The following DYNC1LI1 variants were observed in gnomAD, a reference collection of about 807,000 sequenced individuals.
DYNC1LI1 encodes the protein cytoplasmic dynein 1 light intermediate chain 1.
Under a neutral mutation model 63.8 loss-of-function variants are expected in DYNC1LI1, and 19 were observed. The ratio of observed to expected loss-of-function variants is 0.30; its 90% CI spans 0.21 to 0.44. The LOEUF is 0.44. Ranked by LOEUF, DYNC1LI1 falls within the 20% of genes least tolerant of loss-of-function variation. The pLI is 1.00. For synonymous variants in DYNC1LI1, 225 were observed against 232.3 expected, an observed-to-expected ratio of 0.97 and a Z score of 0.28; for missense variants, 565 against 630.2, an observed-to-expected ratio of 0.90 and a Z score of 1.11.
intron 6 of DYNC1LI1, 118 bp downstream of exon 6, chr3:32,536,893 G>A (rs529391252): frequency 3.5e-5 from 20 of 576,260 alleles, no homozygotes; most frequent in Admixed American, 3.3e-4. Context: ...TCCAACCAGA[G>A]ACAGAAGGAG....
intron 2 of DYNC1LI1, among the ~76,000 whole-genome samples, chr3:32,557,547 A>C (rs1297218026): frequency 6.6e-6 from 1 of 151,942 alleles, no homozygotes; most frequent in Non-Finnish European, 1.5e-5. Flanking sequence ...AATAAAAATA[A>C]AATAAAAAAA....
intron 2 of DYNC1LI1, among the ~76,000 whole-genome samples, chr3:32,555,170 T>C (rs904216991): frequency 3.9e-5 from 6 of 152,202 alleles, no homozygotes; most frequent in African/African-American, 1.4e-4. Context: ...CATCAGACCC[T>C]GGTAATTGAA....
At chr3:32,568,097 A>G (rs1331563214) in intron 2 of DYNC1LI1, among the ~76,000 whole-genome samples, 1 of 152,096 alleles carries the variant, frequency 6.6e-6, no homozygotes, top group Non-Finnish European at 1.5e-5. Context: ...CGGCCTCCCA[A>G]AATGCTGGGA....
intron 2 of DYNC1LI1, among the ~76,000 whole-genome samples, chr3:32,551,360 A>G (rs6550135): frequency 0.31 from 47,698 of 152,056 alleles, 7,680 homozygotes; most frequent in African/African-American, 0.38. Context: ...GCAAAGAAGC[A>G]TCCTTCTAGG....
In DYNC1LI1 at chr3:32,547,270, G is replaced by C. The variant is rs1442416460; in HGVS notation, c.221-1305C>G. The stretch of plus-strand genomic sequence containing the variant: ...AACAAAACAAAACAAAACTAGGCTA[G>C]CTGTTCAATGTTTTGGTGAGGGCTT... On this transcript the variant is annotated intron_variant, in intron 2 of 12. Coordinates refer to ENST00000273130, the MANE Select transcript of DYNC1LI1 (RefSeq NM_016141.4). Among the ~76,000 whole-genome samples, 3 of 152,176 alleles carry C rather than the reference G, an allele frequency of 2.0e-5. No individual in the cohort carries two copies. In the East Asian group the frequency reaches 5.8e-4, roughly 29 times the overall value.
chr3:32,532,934 C>T lies in DYNC1LI1; in HGVS notation c.1080+52G>A, dbSNP rs1391061011. Reference sequence around the variant, plus strand: ...ATTTAATTTTAAAGTATGGAATTCCCCTCAGGTTAGTCTAAAGTCTAAATA... The same window carrying T: ...ATTTAATTTTAAAGTATGGAATTCCTCTCAGGTTAGTCTAAAGTCTAAATA... On this transcript the variant is annotated intron_variant, in intron 8 of 12. Transcript: ENST00000273130. 3.3e-6 allele frequency: 5 copies of T among 1,496,806 alleles called. No individual in the cohort carries two copies. In the Admixed American group the frequency reaches 1.3e-4, roughly 40 times the overall value. 92.7% of individuals were successfully genotyped at this position (1,496,806 alleles called of 1,614,324 possible). A position where few individuals can be genotyped will look rare whatever the true frequency, so the allele number is the denominator to read the frequency against.
Position 32,526,827 on chromosome 3 carries a change from G to A in DYNC1LI1, c.1544C>T (p.Thr515Ile). The change falls in exon 13 of 13, where the codon ACA (threonine) becomes ATA (isoleucine). Residue 515 changes from threonine (T) to isoleucine (I), a missense_variant. Thr to Ile is a moderately conservative substitution (Grantham distance 89). Transcript: ENST00000273130. Reference protein sequence around the residue: ...KPVTVSPTTPTSPTEGEAS With the variant: ...KPVTVSPTTPISPTEGEAS ...AGAAGCTTCTCCTTCCGTAGGAGATGTAGGTGTTGTGGGAGAAACTGTAAC... is the reference window on the plus strand; with the variant it reads ...AGAAGCTTCTCCTTCCGTAGGAGATATAGGTGTTGTGGGAGAAACTGTAAC... 6.2e-7 allele frequency: 1 copy of A among 1,613,416 alleles called. No homozygotes were observed. The highest frequency in any genetic ancestry group is 8.5e-7 in the Non-Finnish European group (1 of 1,179,344).
At chr3:32,554,466 A>G (rs1698084935) in intron 2 of DYNC1LI1, among the ~76,000 whole-genome samples, 1 of 152,234 alleles carries the variant, frequency 6.6e-6, no homozygotes, top group East Asian at 1.9e-4. Flanking sequence ...CTGAGAATAA[A>G]TAACATTTCA....
chr3:32,555,176 T>A (rs1046659379), intron 2 of DYNC1LI1, among the ~76,000 whole-genome samples: 1 of 152,226 alleles, frequency 6.6e-6, no homozygotes, highest in Non-Finnish European at 1.5e-5. Flanking sequence ...ACCCTGGTAA[T>A]TGAAAATTGA....
At chr3:32,556,049 C>G (rs1575157876) in intron 2 of DYNC1LI1, among the ~76,000 whole-genome samples, 2 of 152,264 alleles carry the variant, frequency 1.3e-5, no homozygotes, top group African/African-American at 4.8e-5. Context: ...CCTTTCCTGC[C>G]CATCTCTCAC....
intron 3 of DYNC1LI1, 179 bp downstream of exon 3, chr3:32,545,665 GTATCA>G: frequency 1.7e-6 from 1 of 598,990 alleles, no homozygotes; most frequent in Non-Finnish European, 2.9e-6. Flanking sequence ...ATGCTTAAAA[GTATCA>G]TATATGAATC....
At chr3:32,536,888 C>A in intron 6 of DYNC1LI1, 123 bp downstream of exon 6, 2 of 566,810 alleles carry the variant, frequency 3.5e-6, no homozygotes, top group East Asian at 3.4e-5. Context: ...AAATTTCCAA[C>A]CAGAGACAGA....
chr3:32,538,066 ATTATATATATATATAAAAT>A (rs1697822854), intron 5 of DYNC1LI1, among the ~76,000 whole-genome samples: 1 of 76,486 alleles, frequency 1.3e-5, no homozygotes, highest in Non-Finnish European at 2.5e-5. Context: ...TATATAATTT[ATTATATATATATATAAAAT>A]TTATATATAT....
At chr3:32,536,727 A>G (rs558662230) in intron 6 of DYNC1LI1, among the ~76,000 whole-genome samples, 264 of 152,308 alleles carry the variant, frequency 1.7e-3, no homozygotes, top group African/African-American at 5.3e-3. Context: ...ATATGTTCAT[A>G]ACTACATACA....
intron 5 of DYNC1LI1, among the ~76,000 whole-genome samples, chr3:32,539,243 C>T (rs1697844251): frequency 6.6e-6 from 1 of 152,090 alleles, no homozygotes; most frequent in Admixed American, 6.6e-5. Flanking sequence ...AGATGGCAGA[C>T]TTTAACTTAA....
chr3:32,555,230 A>G (rs1698096853), intron 2 of DYNC1LI1, among the ~76,000 whole-genome samples: 1 of 152,180 alleles, frequency 6.6e-6, no homozygotes. Flanking sequence ...TCTTCTTTTC[A>G]TACATCTTAA....
intron 5 of DYNC1LI1, chr3:32,537,382 T>G (rs181425978): frequency 5.3e-6 from 1 of 187,836 alleles, no homozygotes; most frequent in Non-Finnish European, 1.1e-5. Flanking sequence ...GAAGGAAGAA[T>G]AACAAGCCTA....
At chr3:32,541,319 G>T in intron 4 of DYNC1LI1, 113 bp from the exon 5 acceptor site, 1 of 680,584 alleles carries the variant, frequency 1.5e-6, no homozygotes. Context: ...TTGTGTAAGA[G>T]AAGAAACAAA....
intron 2 of DYNC1LI1, among the ~76,000 whole-genome samples, chr3:32,560,227 G>A (rs966315135): frequency 6.6e-6 from 1 of 152,058 alleles, no homozygotes; most frequent in Non-Finnish European, 1.5e-5. Flanking sequence ...CTGAGGTCAG[G>A]AGTTCAAGAC....
Sources: allele counts gnomAD v4.1 joint callset (sites outside exome capture counted in the v4.1 genomes callset), GRCh38; gene constraint gnomAD v4.1.1; transcripts MANE v1.5; gene names NCBI Gene and HGNC (gene_info 2026-07-23, HGNC 2026-07-21).